The following GPC6 variants were observed in gnomAD, a reference collection of about 807,000 sequenced individuals.
The protein encoded by GPC6 is glypican 6.
GPC6 carries 14 observed loss-of-function variants against 55.2 expected under a neutral mutation model. The ratio of observed to expected loss-of-function variants is 0.25; its 90% CI spans 0.17 to 0.40. The LOEUF is 0.40. Among genes scored for constraint, GPC6 ranks in the 10% least tolerant of loss-of-function variants. The pLI, the probability that GPC6 is intolerant of heterozygous loss-of-function variation, is 1.00. For synonymous variants in GPC6, 278 were observed against 259.6 expected (o/e 1.07, Z -0.68); for missense variants, 641 against 708.5 (o/e 0.90, Z 1.08).
chr13:93,813,952 T>G (rs1886773486), intron 2 of GPC6, among the ~76,000 whole-genome samples: 2 of 152,188 alleles, frequency 1.3e-5, no homozygotes, highest in African/African-American at 2.4e-5. Flanking sequence ...TTTAATGTTT[T>G]ATCTCTTACT....
intron 4 of GPC6, among the ~76,000 whole-genome samples, chr13:94,273,857 G>A (rs934170869): frequency 1.3e-5 from 2 of 152,106 alleles, no homozygotes; most frequent in Admixed American, 1.3e-4. Flanking sequence ...TTTAAGGCAA[G>A]GAATGATAGG....
At position 94,294,031 on chromosome 13, in the gene GPC6, T is replaced by G. The variant is rs79475104; in HGVS notation, c.1008+7552T>G. On this transcript the variant is annotated intron_variant, in intron 5 of 8. Coordinates refer to ENST00000377047, the MANE Select transcript of GPC6 (RefSeq NM_005708.5). ...TCCTCATCAAAGGCAGGGAAGAGCC[T>G]TCATTATTCCACTATCTTCCACAAC... 5.0e-3 allele frequency among the ~76,000 whole-genome samples: 768 copies of G among 152,284 alleles called. 7 individuals are homozygous for G. Among genetic ancestry groups the G allele is most frequent in the African/African-American group, 0.017 (689 of 41,570 alleles).
intron 1 of GPC6, among the ~76,000 whole-genome samples, chr13:93,354,978 T>A (rs1880792943): frequency 6.6e-6 from 1 of 152,180 alleles, no homozygotes; most frequent in Admixed American, 6.5e-5. Context: ...ATCTAAAAAG[T>A]AATTCTTGAT....
chr13:94,096,353 C>A (rs925793864), intron 4 of GPC6, among the ~76,000 whole-genome samples: 1 of 150,934 alleles, frequency 6.6e-6, no homozygotes, highest in African/African-American at 2.4e-5. Flanking sequence ...TATTTCCATG[C>A]GAGTTGTTGG....
intron 4 of GPC6, among the ~76,000 whole-genome samples, chr13:94,172,666 C>T (rs1888613920): frequency 6.6e-6 from 1 of 152,172 alleles, no homozygotes; most frequent in Non-Finnish European, 1.5e-5. Flanking sequence ...TGGCTCTTTA[C>T]ATTAAAATGT....
intron 3 of GPC6, among the ~76,000 whole-genome samples, chr13:93,865,766 A>ATT (rs1888947162): frequency 6.6e-6 from 1 of 151,754 alleles, no homozygotes; most frequent in Non-Finnish European, 1.5e-5. Context: ...ATTCAAAGGC[A>ATT]GGAGTCCATT....
chr13:94,108,972 C>T (rs1171897087), intron 4 of GPC6, among the ~76,000 whole-genome samples: 1 of 152,148 alleles, frequency 6.6e-6, no homozygotes, highest in African/African-American at 2.4e-5. Flanking sequence ...ATTCTTCAAC[C>T]AGCAGAAAAT....
intron 3 of GPC6, among the ~76,000 whole-genome samples, chr13:93,896,902 T>C (rs1388295535): frequency 6.6e-6 from 1 of 151,300 alleles, no homozygotes; most frequent in East Asian, 1.9e-4. Context: ...TGCATCTACC[T>C]TGAACTTTTA....
intron 1 of GPC6, among the ~76,000 whole-genome samples, chr13:93,414,260 A>G (rs1307669740): frequency 1.3e-5 from 2 of 151,882 alleles, no homozygotes; most frequent in Non-Finnish European, 2.9e-5. Flanking sequence ...TCCCTAACCC[A>G]TTCACCCTCC....
intron 4 of GPC6, among the ~76,000 whole-genome samples, chr13:94,106,426 T>A (rs1436062990): frequency 1.3e-5 from 2 of 152,152 alleles, no homozygotes; most frequent in Non-Finnish European, 2.9e-5. Flanking sequence ...ACATGATGAT[T>A]TCTGAGAAGT....
chr13:94,175,528 T>C (rs1888717107), intron 4 of GPC6, among the ~76,000 whole-genome samples: 1 of 152,148 alleles, frequency 6.6e-6, no homozygotes, highest in Non-Finnish European at 1.5e-5. Flanking sequence ...TGTATTATGG[T>C]ATTACCAGGT....
chr13:93,622,249 A>G (rs73543530), intron 2 of GPC6, among the ~76,000 whole-genome samples: 5,785 of 152,310 alleles, frequency 0.038, 376 homozygotes, highest in African/African-American at 0.13. Flanking sequence ...TCAACTATGT[A>G]TTAGGCATTG....
intron 1 of GPC6, among the ~76,000 whole-genome samples, chr13:93,362,761 C>T (rs953870552): frequency 6.6e-6 from 1 of 152,008 alleles, no homozygotes; most frequent in African/African-American, 2.4e-5. Context: ...ACTTGCTTTA[C>T]TAATCTTCAG....
At chr13:93,919,507 G>C (rs1877458818) in intron 3 of GPC6, among the ~76,000 whole-genome samples, 1 of 152,102 alleles carries the variant, frequency 6.6e-6, no homozygotes, top group Non-Finnish European at 1.5e-5. Flanking sequence ...TCTTTGGCCT[G>C]CCTCCTTTCA....
intron 4 of GPC6, among the ~76,000 whole-genome samples, chr13:94,232,188 A>T (rs979058057): frequency 6.6e-6 from 1 of 152,224 alleles, no homozygotes; most frequent in African/African-American, 2.4e-5. Flanking sequence ...ATTCATTCCT[A>T]AAAAGTATTC....
At chr13:94,342,364 C>T (rs574165627) in intron 6 of GPC6, among the ~76,000 whole-genome samples, 1 of 152,156 alleles carries the variant, frequency 6.6e-6, no homozygotes, top group South Asian at 2.1e-4. Context: ...GACTGGCTTC[C>T]TAATAAGAAG....
intron 2 of GPC6, among the ~76,000 whole-genome samples, chr13:93,719,342 G>A (rs1261803525): frequency 6.6e-6 from 1 of 151,970 alleles, no homozygotes; most frequent in African/African-American, 2.4e-5. Flanking sequence ...TCTCTTTGTA[G>A]CAATTGAGAA....
At chr13:93,901,047 A>C (rs1375910876) in intron 3 of GPC6, among the ~76,000 whole-genome samples, 1 of 152,170 alleles carries the variant, frequency 6.6e-6, no homozygotes, top group Middle Eastern at 3.2e-3. Flanking sequence ...GAAAGTAAAG[A>C]AATATACTTT....
intron 3 of GPC6, among the ~76,000 whole-genome samples, chr13:93,894,104 A>AT (rs1371254178): frequency 2.0e-5 from 3 of 151,930 alleles, no homozygotes; most frequent in Admixed American, 6.6e-5. Flanking sequence ...AAATTGATTA[A>AT]TTTTTTTTGT....
Sources: gnomAD v4.1 joint callset for allele counts (sites outside exome capture counted in the v4.1 genomes callset) on GRCh38, gnomAD v4.1.1 for gene constraint, MANE v1.5 for transcripts, NCBI Gene and HGNC (gene_info 2026-07-23, HGNC 2026-07-21) for gene names.